The following ARHGAP10 variants were observed in gnomAD, a reference collection of about 807,000 sequenced individuals.
The protein encoded by ARHGAP10 is Rho GTPase activating protein 10, also known as rho GTPase-activating protein 10.
Under a neutral mutation model 108.6 loss-of-function variants are expected in ARHGAP10, and 87 were observed. The ratio of observed to expected loss-of-function variants is 0.80; its 90% CI spans 0.67 to 0.96. ARHGAP10 has a LOEUF of 0.96. ARHGAP10 is among the 40% of genes least tolerant of loss of function. ARHGAP10 has a pLI of 0.00. For missense variants in ARHGAP10, 939 were observed against 954.5 expected, an observed-to-expected ratio of 0.98 and a Z score of 0.21; for synonymous variants, 347 against 341.1, an observed-to-expected ratio of 1.02 and a Z score of -0.19.
intron 3 of ARHGAP10, among the ~76,000 whole-genome samples, chr4:147,832,646 CAAA>C (rs776184630): frequency 1.6e-5 from 1 of 63,516 alleles, no homozygotes; most frequent in African/African-American, 5.7e-5. Flanking sequence ...GACTCTGTCT[CAAA>C]AAAAAAAAAA....
chr4:147,824,443 AG>A (rs1231788393), intron 3 of ARHGAP10, among the ~76,000 whole-genome samples: 1 of 152,180 alleles, frequency 6.6e-6, no homozygotes, highest in Non-Finnish European at 1.5e-5. Flanking sequence ...TGGACATATT[AG>A]CTAAGTTGGT....
At chr4:147,900,254 T>G (rs1736184953) in intron 10 of ARHGAP10, among the ~76,000 whole-genome samples, 1 of 152,160 alleles carries the variant, frequency 6.6e-6, no homozygotes, top group Non-Finnish European at 1.5e-5. Context: ...TGTATTTGTA[T>G]TTGTATTTTT....
At chr4:147,807,390 A>G (rs1731834688) in intron 1 of ARHGAP10, among the ~76,000 whole-genome samples, 1 of 152,204 alleles carries the variant, frequency 6.6e-6, no homozygotes, top group Admixed American at 6.5e-5. Flanking sequence ...CTATTGTTCA[A>G]AAGGTGATAC....
chr4:148,047,093 C>T (rs1163722178), intron 20 of ARHGAP10, 42 bp downstream of exon 20: 4 of 1,602,000 alleles, frequency 2.5e-6, no homozygotes, highest in Non-Finnish European at 3.4e-6. Flanking sequence ...GGGTGGAAGC[C>T]CTGACTTTGT....
intron 1 of ARHGAP10, among the ~76,000 whole-genome samples, chr4:147,783,143 CATTAAATTATATATTGTATAATTTATATA>C (rs1560754907): frequency 1.1e-4 from 16 of 139,722 alleles, no homozygotes; most frequent in Non-Finnish European, 2.0e-4. Flanking sequence ...ATATAACACA[CATTAAATTATATATTGTATAATTTATATA>C]ACACATTAAA....
At chr4:147,873,722 A>ACACACACACACACACACACACACACT (rs775092505) in intron 7 of ARHGAP10, among the ~76,000 whole-genome samples, 4 of 144,338 alleles carry the variant, frequency 2.8e-5, no homozygotes, top group Non-Finnish European at 4.6e-5. Context: ...ACACACACAC[A>ACACACACACACACACACACACACACT]CTCTTGGCCT....
chr4:147,921,639 G>A (rs924636068), intron 13 of ARHGAP10, among the ~76,000 whole-genome samples: 1 of 152,188 alleles, frequency 6.6e-6, no homozygotes, highest in African/African-American at 2.4e-5. Flanking sequence ...GCTAAATGTA[G>A]TCATGTTTCA....
At chr4:147,921,595 A>G (rs1737234552) in intron 13 of ARHGAP10, among the ~76,000 whole-genome samples, 1 of 152,202 alleles carries the variant, frequency 6.6e-6, no homozygotes, top group Admixed American at 6.5e-5. Flanking sequence ...CTTCTATCCT[A>G]AAATGTGAGG....
At chr4:147,919,007 C>G (rs1026260326) in intron 13 of ARHGAP10, among the ~76,000 whole-genome samples, 3 of 152,198 alleles carry the variant, frequency 2.0e-5, no homozygotes, top group Non-Finnish European at 4.4e-5. Context: ...CTACTAAATT[C>G]TCTTCTGGCC....
At chr4:147,816,359 T>C (rs891709695) in intron 1 of ARHGAP10, among the ~76,000 whole-genome samples, 11 of 152,266 alleles carry the variant, frequency 7.2e-5, no homozygotes, top group Non-Finnish European at 1.5e-4. Context: ...TTGAGCTCTG[T>C]GCTCCAGGTT....
At chr4:148,020,539 G>GT (rs151004924) in intron 18 of ARHGAP10, among the ~76,000 whole-genome samples, 15,465 of 146,070 alleles carry the variant, frequency 0.11, 1,285 homozygotes, top group African/African-American at 0.23. Context: ...GAGAACATGC[G>GT]TTTTTTGTTT....
At chr4:147,791,238 A>T (rs1320662803) in intron 1 of ARHGAP10, among the ~76,000 whole-genome samples, 1 of 150,628 alleles carries the variant, frequency 6.6e-6, no homozygotes, top group African/African-American at 2.4e-5. Flanking sequence ...CGGCCTCCTG[A>T]GTAGCTGGGA....
chr4:147,808,624 C>T (rs1486956829), intron 1 of ARHGAP10, among the ~76,000 whole-genome samples: 1 of 152,000 alleles, frequency 6.6e-6, no homozygotes, highest in Non-Finnish European at 1.5e-5. Flanking sequence ...TGAGCAGATC[C>T]GTGGGATGTT....
rs551821373 is a variant in ARHGAP10, at chr4:147,919,389, C to T, written c.1228+6250C>T. ...GAGTAGTTTGCTCATGATGTTTTGGCATGTGTGGGAGTCACATCAACTCGT... is the reference window on the plus strand; with the variant it reads ...GAGTAGTTTGCTCATGATGTTTTGGTATGTGTGGGAGTCACATCAACTCGT... On this transcript the variant is annotated intron_variant, in intron 13 of 22. Coordinates refer to ENST00000336498, the MANE Select transcript of ARHGAP10 (RefSeq NM_024605.4). Among the ~76,000 whole-genome samples the T allele has an allele frequency of 2.8e-4, 43 of 152,260 alleles. No homozygotes were observed. The South Asian group carries it at 7.9e-3, about 28-fold the overall frequency.
intron 13 of ARHGAP10, among the ~76,000 whole-genome samples, chr4:147,920,993 A>T (rs1737210240): frequency 6.6e-6 from 1 of 152,266 alleles, no homozygotes; most frequent in African/African-American, 2.4e-5. Context: ...CTAGAAGGTG[A>T]TACGTAGCAA....
intron 1 of ARHGAP10, among the ~76,000 whole-genome samples, chr4:147,784,837 T>TTATAAAATATATATTATAAA (rs1730803170): frequency 1.0e-5 from 1 of 98,032 alleles, no homozygotes; most frequent in African/African-American, 4.1e-5. Flanking sequence ...TATAAATATA[T>TTATAAAATATATATTATAAA]TATAAAATAT....
intron 1 of ARHGAP10, among the ~76,000 whole-genome samples, chr4:147,758,088 C>T (rs1023621676): frequency 5.3e-5 from 8 of 152,124 alleles, no homozygotes; most frequent in Non-Finnish European, 8.8e-5. Flanking sequence ...CATGGAGAAA[C>T]CCCGTCCATA....
chr4:147,783,384 CATTAAATTAT>C, intron 1 of ARHGAP10, among the ~76,000 whole-genome samples: 1 of 133,564 alleles, frequency 7.5e-6, no homozygotes, highest in African/African-American at 2.8e-5. Context: ...ATATAGCACA[CATTAAATTAT>C]GTATTGTATA....
At chr4:147,799,956 T>G (rs1731509618) in intron 1 of ARHGAP10, among the ~76,000 whole-genome samples, 1 of 152,180 alleles carries the variant, frequency 6.6e-6, no homozygotes, top group African/African-American at 2.4e-5. Context: ...CATTTAAATC[T>G]TTTGTTTTAG....
Sources: allele counts gnomAD v4.1 joint callset (sites outside exome capture counted in the v4.1 genomes callset), GRCh38; gene constraint gnomAD v4.1.1; transcripts MANE v1.5; gene names NCBI Gene and HGNC (gene_info 2026-07-23, HGNC 2026-07-21).